Variants in SYNGR1 observed in about 807,000 individuals in gnomAD.
SYNGR1 encodes synaptogyrin-1.
SYNGR1 carries 14 observed loss-of-function variants against 26.1 expected under a neutral mutation model. That is an observed-to-expected ratio of 0.54 (90% CI 0.35 to 0.84). The LOEUF is 0.84. Among genes scored for constraint, SYNGR1 ranks in the 40% least tolerant of loss-of-function variants. The probability of loss-of-function intolerance (pLI) is 0.01; values close to 1 mark genes in which losing one functional copy is unlikely to be tolerated. For missense variants in SYNGR1, 319 were observed against 332.9 expected, an observed-to-expected ratio of 0.96 and a Z score of 0.33; for synonymous variants, 141 against 150.1, an observed-to-expected ratio of 0.94 and a Z score of 0.44.
In SYNGR1 at chr22:39,366,195, GC is replaced by G. The variant is rs1924750080; in HGVS notation, c.100-8120del. ...GCCTAGGCTGGTCTCAAACCCCTGGGCTCACCCAGGAGTGATCACTCACCCT... is the reference window on the plus strand; with the variant it reads ...GCCTAGGCTGGTCTCAAACCCCTGGGTCACCCAGGAGTGATCACTCACCCT... On this transcript the variant is annotated intron_variant, in intron 1 of 3. Coordinates refer to ENST00000328933, the MANE Select transcript of SYNGR1 (RefSeq NM_004711.5). 2.7e-5 allele frequency among the ~76,000 whole-genome samples: 4 copies of G among 147,144 alleles called. No homozygotes were observed. The South Asian group carries it at 8.7e-4, about 32-fold the overall frequency.
At position 39,383,924 on chromosome 22, in the gene SYNGR1, A is replaced by G. The variant is rs1925581438; in HGVS notation, c.*2010A>G. On this transcript the variant is annotated 3_prime_UTR_variant, in exon 4 of 4. Transcript: ENST00000328933. ...CCAAAGGACAGCAGTGATGGAGAGGACCCCAGCCAGCTGTGTGACAGCTGG... is the reference window on the plus strand; with the variant it reads ...CCAAAGGACAGCAGTGATGGAGAGGGCCCCAGCCAGCTGTGTGACAGCTGG... 6.6e-6 allele frequency: 1 copy of G among 151,994 alleles called. No homozygotes were observed. The highest frequency in any genetic ancestry group is 1.5e-5 in the Non-Finnish European group (1 of 67,996). 9.4% of individuals were successfully genotyped at this position (151,994 alleles called of 1,614,324 possible).
At chr22:39,371,069 C>T (rs981389880) in intron 1 of SYNGR1, among the ~76,000 whole-genome samples, 5 of 152,148 alleles carry the variant, frequency 3.3e-5, no homozygotes, top group Non-Finnish European at 7.4e-5. Flanking sequence ...AGACATCTTA[C>T]AGAGATAAGA....
At chr22:39,364,029 C>A in intron 1 of SYNGR1, 1 of 1,126,936 alleles carries the variant, frequency 8.9e-7, no homozygotes, top group Non-Finnish European at 1.3e-6. Flanking sequence ...CTGGGCACAG[C>A]TCGCCCTGAG....
intron 3 of SYNGR1, among the ~76,000 whole-genome samples, chr22:39,379,181 T>C (rs563061526): frequency 7.9e-5 from 12 of 152,230 alleles, no homozygotes; most frequent in Non-Finnish European, 1.5e-4. Context: ...CAGGACCTCA[T>C]GCTAACATAG....
At chr22:39,381,579 T>C in intron 3 of SYNGR1, 117 bp from the exon 4 acceptor site, 2 of 1,049,420 alleles carry the variant, frequency 1.9e-6, no homozygotes, top group East Asian at 5.1e-5. Flanking sequence ...TGAGGATCTT[T>C]AACCCTCTCC....
Position 39,376,204 on chromosome 22 carries a change from A to T in SYNGR1, c.483+7A>T. On this transcript the variant is annotated splice_region_variant and intron_variant, in intron 3 of 3. Coordinates refer to ENST00000328933, the MANE Select transcript of SYNGR1 (RefSeq NM_004711.5). ...TTTCTCCATCTTCACCTGGGTGAGT[A>T]CAGCCACCGCGCACCAGCCCACACT... 2 of 1,613,928 alleles carry T rather than the reference A, an allele frequency of 1.2e-6. No individual in the cohort carries two copies. Among genetic ancestry groups the T allele is most frequent in the Non-Finnish European group, 1.7e-6 (2 of 1,180,022 alleles).
In SYNGR1 at chr22:39,350,171, G is replaced by T; in HGVS notation, c.99+62G>T. 8.2e-7 allele frequency: 1 copy of T among 1,220,118 alleles called. No homozygotes were observed. The highest frequency in any genetic ancestry group is 1.1e-6 in the Non-Finnish European group (1 of 949,484). The allele number at this position is 1,220,118 out of a possible 1,614,324, so 75.6% of individuals were successfully genotyped here. ...GGTGGTGGGGGTGTGAGCAAAGGCG[G>T]CGCGCCCGGACCGACCCCGACCCCG... On this transcript the variant is annotated intron_variant, in intron 1 of 3. Coordinates refer to ENST00000328933, the MANE Select transcript of SYNGR1 (RefSeq NM_004711.5). This position sits in a 1 kb window ranked among gnomAD's most constrained non-coding sequence, Gnocchi z 4.3.
At chr22:39,367,642 G>C (rs541840707) in intron 1 of SYNGR1, among the ~76,000 whole-genome samples, 4,511 of 152,112 alleles carry the variant, frequency 0.03, 221 homozygotes, top group African/African-American at 0.1. Flanking sequence ...GGCCAACATG[G>C]CACAACCCCG....
At chr22:39,369,978 AT>A (rs1317807152) in intron 1 of SYNGR1, among the ~76,000 whole-genome samples, 1 of 151,938 alleles carries the variant, frequency 6.6e-6, no homozygotes, top group East Asian at 1.9e-4. Context: ...TTCAGTGTAC[AT>A]TTTTTTCTTT....
intron 1 of SYNGR1, among the ~76,000 whole-genome samples, chr22:39,361,080 GC>G (rs1375790112): frequency 3.9e-5 from 6 of 152,194 alleles, no homozygotes; most frequent in Non-Finnish European, 8.8e-5. Context: ...TCCCTGTGAA[GC>G]CTTCCTGGAT....
chr22:39,381,495 T>C (rs1333750501), intron 3 of SYNGR1, among the ~76,000 whole-genome samples: 2 of 152,158 alleles, frequency 1.3e-5, no homozygotes, highest in Non-Finnish European at 2.9e-5. Context: ...GATATGGTTC[T>C]GGGCATTTCC....
intron 1 of SYNGR1, among the ~76,000 whole-genome samples, chr22:39,351,383 G>A (rs764814540): frequency 6.6e-6 from 1 of 152,216 alleles, no homozygotes; most frequent in African/African-American, 2.4e-5. Flanking sequence ...CTCAAATGCC[G>A]TCAGATGGGA....
At chr22:39,375,817 C>G in intron 2 of SYNGR1, 1 of 643,550 alleles carries the variant, frequency 1.6e-6, no homozygotes, top group Non-Finnish European at 2.8e-6. Flanking sequence ...TGACCCTGCC[C>G]TGTCTGTGGC....
At chr22:39,351,775 G>A (rs2069235) in intron 1 of SYNGR1, among the ~76,000 whole-genome samples, 56,911 of 152,200 alleles carry the variant, frequency 0.37, 11,439 homozygotes, top group East Asian at 0.78. Flanking sequence ...CCTTGTTCTC[G>A]GGAAGCCACA....
At chr22:39,369,936 T>G (rs1469179790) in intron 1 of SYNGR1, among the ~76,000 whole-genome samples, 1 of 152,210 alleles carries the variant, frequency 6.6e-6, no homozygotes, top group African/African-American at 2.4e-5. Flanking sequence ...TGTGGCCAGA[T>G]TAGCCTAACA....
intron 3 of SYNGR1, chr22:39,378,095 G>C (rs571969242): frequency 2.5e-6 from 3 of 1,179,922 alleles, no homozygotes; most frequent in Admixed American, 7.5e-5. Context: ...GCTGAGCTGT[G>C]GGTGCAGAGC....
intron 3 of SYNGR1, among the ~76,000 whole-genome samples, 192 bp downstream of exon 3, chr22:39,376,389 C>T (rs971003856): frequency 3.3e-5 from 5 of 152,072 alleles, no homozygotes; most frequent in African/African-American, 9.7e-5. Flanking sequence ...CTACAGCCCT[C>T]GGGGGTAGCA....
chr22:39,370,688 G>A (rs977663979), intron 1 of SYNGR1, among the ~76,000 whole-genome samples: 8 of 150,486 alleles, frequency 5.3e-5, no homozygotes, highest in African/African-American at 2.0e-4. Context: ...CACAATCTCA[G>A]CTCACGGCAA....
chr22:39,374,726 C>A, intron 2 of SYNGR1, 173 bp downstream of exon 2: 1 of 722,478 alleles, frequency 1.4e-6, no homozygotes, highest in Non-Finnish European at 2.4e-6. Context: ...GGGACCAGGA[C>A]AGGGCCTGGG....
Sources: allele counts gnomAD v4.1 joint callset (sites outside exome capture counted in the v4.1 genomes callset), GRCh38; gene constraint gnomAD v4.1.1; non-coding constraint Gnocchi (gnomAD v3.1); transcripts MANE v1.5; gene names NCBI Gene and HGNC (gene_info 2026-07-23, HGNC 2026-07-21).